The following GTF3C5 variants were observed in gnomAD, a reference collection of about 807,000 sequenced individuals.
The protein encoded by GTF3C5 is general transcription factor 3C polypeptide 5.
GTF3C5 carries 47 observed loss-of-function variants against 61.0 expected under a neutral mutation model. The observed-to-expected ratio is 0.77, with a 90% CI of 0.61 to 0.98. GTF3C5 has a LOEUF of 0.98. GTF3C5 is among the 50% of genes least tolerant of loss of function. The probability of loss-of-function intolerance (pLI) is 0.00; values close to 1 mark genes in which losing one functional copy is unlikely to be tolerated. For missense variants in GTF3C5, 659 were observed against 703.3 expected (o/e 0.94, Z 0.71); for synonymous variants, 295 against 275.4 (o/e 1.07, Z -0.71).
In GTF3C5 at chr9:133,042,232, G is replaced by T. The variant is rs1850059558; in HGVS notation, c.299G>T (p.Gly100Val). 1 of 1,613,828 alleles carries T rather than the reference G, an allele frequency of 6.2e-7. No homozygotes were observed. Among genetic ancestry groups the T allele is most frequent in the Admixed American group, 1.7e-5 (1 of 60,016 alleles). ...ACGAGGCGGCAGAAAGGGGTGCTGG[G>T]CACTGAGGCCCACTCCGAGGTCACA... ...KRTRRQKGVL[G>V]TEAHSEVTFD... The change falls in exon 2 of 11, where the codon GGC becomes GTC. Residue 100 changes from glycine to valine, a missense_variant. Coordinates refer to ENST00000372097, the MANE Select transcript of GTF3C5 (RefSeq NM_012087.4).
At chr9:133,034,378 C>T (rs1175687056) in intron 1 of GTF3C5, among the ~76,000 whole-genome samples, 2 of 152,132 alleles carry the variant, frequency 1.3e-5, no homozygotes, top group Non-Finnish European at 2.9e-5. Flanking sequence ...TGAGCTTGTT[C>T]GTATCTGCAC....
chr9:133,056,831 G>A lies in GTF3C5; in HGVS notation c.1316G>A (p.Cys439Tyr), dbSNP rs1564206163. ...ENSCTERDGW[C>Y]LPKTSDELRD... Reference sequence around the variant, plus strand: ...TCCTGCACAGAACGGGATGGGTGGTGCCTCCCCAAGACCAGCGACGAGCTC... The same window carrying A: ...TCCTGCACAGAACGGGATGGGTGGTACCTCCCCAAGACCAGCGACGAGCTC... Residue 439 changes from cysteine to tyrosine, a missense_variant, in exon 10 of 11, where the codon TGC becomes TAC. Cys to Tyr is a radical substitution (Grantham distance 194). Coordinates refer to ENST00000372097, the MANE Select transcript of GTF3C5 (RefSeq NM_012087.4). The A allele has an allele frequency of 1.2e-6, 2 of 1,612,138 alleles. No homozygotes were observed. The highest frequency in any genetic ancestry group is 1.7e-6 in the Non-Finnish European group (2 of 1,179,150).
chr9:133,042,503 A>G (rs1024259998), intron 2 of GTF3C5, among the ~76,000 whole-genome samples, 197 bp downstream of exon 2: 1 of 152,240 alleles, frequency 6.6e-6, no homozygotes, highest in Non-Finnish European at 1.5e-5. Flanking sequence ...CAGAGACTGC[A>G]GGTTCATTGC....
rs1436657630 is a variant in GTF3C5, at chr9:133,041,677, CT to C, written c.154-406del. 2.6e-5 allele frequency among the ~76,000 whole-genome samples: 4 copies of C among 152,176 alleles called. No individual in the cohort carries two copies. In the East Asian group the frequency reaches 7.7e-4, roughly 29 times the overall value. Reference sequence around the variant, plus strand: ...GTAGTGGTCCCCCGGGCCCAGCTGTCTTTTCTTTTATGTCTTTGTCTTGTGT... The same window carrying C: ...GTAGTGGTCCCCCGGGCCCAGCTGTCTTTCTTTTATGTCTTTGTCTTGTGT... On this transcript the variant is annotated intron_variant, in intron 1 of 10. Transcript: ENST00000372097.
At chr9:133,043,986 C>T (rs374212449) in intron 3 of GTF3C5, 60 bp downstream of exon 3, 45 of 1,269,230 alleles carry the variant, frequency 3.5e-5, no homozygotes, top group African/African-American at 2.2e-4. Context: ...GGTCCGGGCA[C>T]GGAGGCTCAC....
intron 1 of GTF3C5, among the ~76,000 whole-genome samples, chr9:133,036,462 A>C (rs1173068815): frequency 6.6e-6 from 1 of 152,214 alleles, no homozygotes; most frequent in East Asian, 1.9e-4. Flanking sequence ...CATTCAAGCC[A>C]TCCACAGGTT....
In GTF3C5 at chr9:133,052,786, C is replaced by T. The variant is rs62576766; in HGVS notation, c.873+622C>T. Among the ~76,000 whole-genome samples the T allele has an allele frequency of 5.3e-3, 808 of 152,236 alleles. 6 individuals carry two copies. Among genetic ancestry groups the T allele is most frequent in the Non-Finnish European group, 8.1e-3 (553 of 68,012 alleles). ...CTTCTGCCTTGTTGGACTTCCGGCT[C>T]AGGAGAGCGACCTGTGCTGCTTGGC... On this transcript the variant is annotated intron_variant, in intron 5 of 10. Transcript: ENST00000372097.
In GTF3C5 at chr9:133,054,478, C is replaced by A. The variant is rs1249601842; in HGVS notation, c.1059C>A (p.Val353=). The change falls in exon 7 of 11, where the codon GTC becomes GTA. Residue 353 remains valine (V), a synonymous_variant. Coordinates refer to ENST00000372097, the MANE Select transcript of GTF3C5 (RefSeq NM_012087.4). Reference sequence around the variant, plus strand: ...ACAACTACAGCCTCCCCATCACCGTCAAGAAGACATGTAAGCGTGCCAGGC... The same window carrying A: ...ACAACTACAGCCTCCCCATCACCGTAAAGAAGACATGTAAGCGTGCCAGGC... ...STYNYSLPIT[V]KKTSSQLVTM... 1 of 1,613,938 alleles carries A rather than the reference C, an allele frequency of 6.2e-7. No individual in the cohort carries two copies. The highest frequency in any genetic ancestry group is 8.5e-7 in the Non-Finnish European group (1 of 1,179,930).
chr9:133,042,033 A>G (rs1850052907), intron 1 of GTF3C5, 54 bp from the exon 2 acceptor site: 1 of 1,248,648 alleles, frequency 8.0e-7, no homozygotes, highest in African/African-American at 1.5e-5. Flanking sequence ...GCAGCTCCCC[A>G]CTGGCTGCTT....
intron 3 of GTF3C5, among the ~76,000 whole-genome samples, chr9:133,049,901 G>A (rs1850319681): frequency 6.6e-6 from 1 of 152,084 alleles, no homozygotes; most frequent in Non-Finnish European, 1.5e-5. Context: ...AGAGTGGGGC[G>A]CTTGTTACCA....
intron 6 of GTF3C5, 33 bp downstream of exon 6, chr9:133,053,975 TTCTCTC>T (rs538571582): frequency 1.4e-5 from 17 of 1,232,100 alleles, no homozygotes. Context: ...CTTCCTGCCT[TTCTCTC>T]TCTTTATCTT....
Position 133,031,015 on chromosome 9 carries a change from G to C in GTF3C5, c.4G>C (p.Ala2Pro). 1.2e-6 allele frequency: 2 copies of C among 1,611,980 alleles called. No individual in the cohort carries two copies. Among genetic ancestry groups the C allele is most frequent in the Non-Finnish European group, 1.7e-6 (2 of 1,179,056 alleles). The change falls in exon 1 of 11, where the codon GCG becomes CCG. Residue 2 changes from alanine (A) to proline (P), a missense_variant. Ala to Pro is a conservative substitution (Grantham distance 27). Transcript: ENST00000372097. ...GGGCCCTGCCAGACGCACAGGGATGGCGGCGGAGGCGGCCGATTTGGGGCT... is the reference window on the plus strand; with the variant it reads ...GGGCCCTGCCAGACGCACAGGGATGCCGGCGGAGGCGGCCGATTTGGGGCT... M[A>P]AEAADLGLGA...
intron 3 of GTF3C5, among the ~76,000 whole-genome samples, chr9:133,050,528 T>A (rs1214066133): frequency 6.6e-6 from 1 of 152,242 alleles, no homozygotes; most frequent in African/African-American, 2.4e-5. Context: ...CCTTTTGGCC[T>A]TTCCCCAGTT....
chr9:133,045,330 C>T (rs1011087699), intron 3 of GTF3C5, among the ~76,000 whole-genome samples: 2 of 152,202 alleles, frequency 1.3e-5, no homozygotes, highest in Non-Finnish European at 2.9e-5. Flanking sequence ...CACGTCCCGC[C>T]GGCAGCACCG....
At chr9:133,053,296 C>T (rs953088060) in intron 5 of GTF3C5, among the ~76,000 whole-genome samples, 1 of 152,114 alleles carries the variant, frequency 6.6e-6, no homozygotes. Flanking sequence ...TCTGAAAAAC[C>T]ATGGGAGGCC....
Position 133,056,934 on chromosome 9 carries a change from G to T in GTF3C5, c.1393+26G>T, listed in dbSNP as rs778943031. ...GTAAGAGCCGCTTGGGGTAAAGGGG[G>T]TCCAGGATGCCTGGTGATCTCCTTT... is the stretch of plus-strand genomic sequence containing the variant. On this transcript the variant is annotated intron_variant, in intron 10 of 10. Transcript: ENST00000372097. The T allele has an allele frequency of 2.6e-6, 4 of 1,551,468 alleles. No homozygotes were observed. In the South Asian group the frequency reaches 3.6e-5, roughly 14 times the overall value.
At chr9:133,043,472 G>A (rs550787735) in intron 2 of GTF3C5, among the ~76,000 whole-genome samples, 6 of 152,324 alleles carry the variant, frequency 3.9e-5, no homozygotes, top group Non-Finnish European at 7.3e-5. Context: ...CATCTAAGAA[G>A]CACTGACCTG....
intron 1 of GTF3C5, among the ~76,000 whole-genome samples, chr9:133,035,254 G>T (rs1454118379): frequency 6.6e-6 from 1 of 152,172 alleles, no homozygotes; most frequent in East Asian, 1.9e-4. Flanking sequence ...TCCCTCCAGT[G>T]CGTAAGGTGA....
intron 9 of GTF3C5, among the ~76,000 whole-genome samples, chr9:133,056,311 T>C (rs1245960611): frequency 6.6e-6 from 1 of 152,102 alleles, no homozygotes; most frequent in Non-Finnish European, 1.5e-5. Context: ...GCAGAGACAG[T>C]TCTTACTGTT....
Sources: gnomAD v4.1 joint callset for allele counts (sites outside exome capture counted in the v4.1 genomes callset) on GRCh38, gnomAD v4.1.1 for gene constraint, MANE v1.5 for transcripts, NCBI Gene and HGNC (gene_info 2026-07-23, HGNC 2026-07-21) for gene names.